The following GRIK1 variants were observed in gnomAD, a reference collection of about 807,000 sequenced individuals.
The protein encoded by GRIK1 is glutamate ionotropic receptor kainate type subunit 1.
Under a neutral mutation model 105.7 loss-of-function variants are expected in GRIK1, and 69 were observed. The ratio of observed to expected loss-of-function variants is 0.65; its 90% CI spans 0.54 to 0.80. The LOEUF (loss-of-function observed/expected upper bound fraction) is 0.80. Among genes scored for constraint, GRIK1 ranks in the 30% least tolerant of loss-of-function variants. The pLI is 0.00. For missense variants in GRIK1, 1,109 were observed against 1,167.3 expected (o/e 0.95, Z 0.73); for synonymous variants, 438 against 431.3 (o/e 1.02, Z -0.19).
At position 29,642,813 on chromosome 21, in the gene GRIK1, G is replaced by A. The variant is rs759209976; in HGVS notation, c.1098+13C>T. 5 of 1,613,414 alleles carry A rather than the reference G, an allele frequency of 3.1e-6. No individual in the cohort carries two copies. The Admixed American group carries it at 6.7e-5, about 22-fold the overall frequency. On this transcript the variant is annotated intron_variant, in intron 7 of 17. Transcript: ENST00000327783. ...TCAGAAGGGCCCCTGGGCTGTGAGG[G>A]AGCATCACTTGCCTCTTTGATCAGG...
chr21:29,673,115 A>C lies in GRIK1; in HGVS notation c.594T>G (p.Ile198Met). The C allele has an allele frequency of 6.2e-7, 1 of 1,612,724 alleles. No homozygotes were observed. Among genetic ancestry groups the C allele is most frequent in the Non-Finnish European group, 8.5e-7 (1 of 1,178,818 alleles). The change falls in exon 4 of 18, where the codon ATT (isoleucine) becomes ATG (methionine). Residue 198 changes from isoleucine (I) to methionine (M), a missense_variant. Physicochemically the swap from Ile to Met is conservative, Grantham distance 10. This residue lies in a region of GRIK1 where 612 missense variants were observed against 586.0 expected (regional missense o/e 1.04). Coordinates refer to ENST00000327783, the MANE Select transcript of GRIK1 (RefSeq NM_001330994.2). ...ELIKAPSRYNIKIKIRQLPSG... is the reference protein window; with the variant it reads ...ELIKAPSRYNMKIKIRQLPSG... The stretch of plus-strand genomic sequence containing the variant: ...AGGGCAGCTGGCGGATTTTGATTTT[A>C]ATATTATATCTGGAGGGAGCTTTGA...
intron 1 of GRIK1, among the ~76,000 whole-genome samples, chr21:29,726,224 A>G (rs2064454836): frequency 6.6e-6 from 1 of 152,236 alleles, no homozygotes; most frequent in Non-Finnish European, 1.5e-5. Context: ...TAGGAAAATG[A>G]GGATAGTTTC....
At position 29,671,348 on chromosome 21, in the gene GRIK1, C is replaced by T. The variant is rs567054768; in HGVS notation, c.726+1635G>A. Among the ~76,000 whole-genome samples, 13 of 152,040 alleles carry T rather than the reference C, an allele frequency of 8.6e-5. No homozygotes were observed. The South Asian group carries it at 2.5e-3, about 29-fold the overall frequency. ...CCATGTTGGCCAGGCTGGTCTCGAACTCCTGACCTCAAGTGATCCTCCCAC... is the reference window on the plus strand; with the variant it reads ...CCATGTTGGCCAGGCTGGTCTCGAATTCCTGACCTCAAGTGATCCTCCCAC... On this transcript the variant is annotated intron_variant, in intron 4 of 17. Transcript: ENST00000327783.
intron 7 of GRIK1, among the ~76,000 whole-genome samples, chr21:29,600,800 T>C (rs1045555602): frequency 6.6e-6 from 1 of 152,228 alleles, no homozygotes; most frequent in Non-Finnish European, 1.5e-5. Flanking sequence ...TTCATAATTC[T>C]AGAGTTTGGC....
At chr21:29,716,769 A>C (rs1417182339) in intron 1 of GRIK1, among the ~76,000 whole-genome samples, 1 of 152,242 alleles carries the variant, frequency 6.6e-6, no homozygotes, top group East Asian at 1.9e-4. Flanking sequence ...TGGAAAAGAA[A>C]AACTCATTTT....
At chr21:29,687,386 G>A (rs2063504862) in intron 3 of GRIK1, among the ~76,000 whole-genome samples, 1 of 152,126 alleles carries the variant, frequency 6.6e-6, no homozygotes, top group Non-Finnish European at 1.5e-5. Flanking sequence ...CAAGAACCCT[G>A]AGTCAAGCAG....
intron 1 of GRIK1, among the ~76,000 whole-genome samples, chr21:29,807,582 TC>T (rs1435345816): frequency 6.6e-6 from 1 of 152,112 alleles, no homozygotes; most frequent in Non-Finnish European, 1.5e-5. Context: ...AGATAGAGGA[TC>T]TGCTCTATGG....
At chr21:29,628,530 A>G (rs963736461) in intron 7 of GRIK1, among the ~76,000 whole-genome samples, 1 of 152,128 alleles carries the variant, frequency 6.6e-6, no homozygotes, top group Admixed American at 6.5e-5. Context: ...ACTGGTTTTT[A>G]TTTCCTAAGG....
At chr21:29,912,005 G>A (rs2070834192) in intron 1 of GRIK1, among the ~76,000 whole-genome samples, 1 of 152,102 alleles carries the variant, frequency 6.6e-6, no homozygotes, top group Non-Finnish European at 1.5e-5. Context: ...AATTAAAGGG[G>A]TGTGATGTCC....
At chr21:29,910,027 A>G (rs1311251038) in intron 1 of GRIK1, among the ~76,000 whole-genome samples, 1 of 152,092 alleles carries the variant, frequency 6.6e-6, no homozygotes. Context: ...TTTTCCATTA[A>G]AGGTGACATT....
intron 17 of GRIK1, 25 bp from the exon 18 acceptor site, chr21:29,537,410 T>C (rs1272604533): frequency 6.3e-7 from 1 of 1,589,546 alleles, no homozygotes; most frequent in Admixed American, 1.7e-5. Context: ...ATACAGACCA[T>C]CAGCTTAATT....
chr21:29,791,504 G>C (rs1193978376), intron 1 of GRIK1, among the ~76,000 whole-genome samples: 1 of 151,900 alleles, frequency 6.6e-6, no homozygotes, highest in Non-Finnish European at 1.5e-5. Flanking sequence ...GAAGGAGAAG[G>C]GAAGTGGGGG....
rs537599188 is a variant in GRIK1 at position 29,683,289 on chromosome 21, A to G, written c.544+6439T>C. ...GAATCCCATTACTGGGTATATATCCAAAAGAAAATCATTCTTCCAAAAAAC... is the reference window on the plus strand; with the variant it reads ...GAATCCCATTACTGGGTATATATCCGAAAGAAAATCATTCTTCCAAAAAAC... On this transcript the variant is annotated intron_variant, in intron 3 of 17. Transcript: ENST00000327783. 1.2e-3 allele frequency among the ~76,000 whole-genome samples: 189 copies of G among 152,342 alleles called. 14 individuals are homozygous for G. The highest frequency in any genetic ancestry group is 3.4e-3 in the Middle Eastern group (1 of 294).
intron 1 of GRIK1, among the ~76,000 whole-genome samples, chr21:29,791,099 G>A (rs1325190319): frequency 6.6e-6 from 1 of 152,190 alleles, no homozygotes; most frequent in East Asian, 1.9e-4. Flanking sequence ...GGAACAGAAA[G>A]CAGATCACTG....
chr21:29,687,200 C>T (rs1199575285), intron 3 of GRIK1, among the ~76,000 whole-genome samples: 4 of 152,154 alleles, frequency 2.6e-5, no homozygotes, highest in Non-Finnish European at 5.9e-5. Context: ...TTTGGTCCCG[C>T]GACATCTGTG....
chr21:29,691,893 C>T (rs1330148106), intron 2 of GRIK1, among the ~76,000 whole-genome samples: 1 of 152,146 alleles, frequency 6.6e-6, no homozygotes, highest in East Asian at 1.9e-4. Flanking sequence ...TGAACTACTG[C>T]ATTAACTACG....
In GRIK1 at chr21:29,812,442, G is replaced by T. The variant is rs139939309; in HGVS notation, c.119-118379C>A. ...AATATCCTTGAATCCTTTGCCATTT[G>T]TTCTTTTTTTAAAAACCTTGACCTC... On this transcript the variant is annotated intron_variant, in intron 1 of 17. Transcript: ENST00000327783. Among the ~76,000 whole-genome samples, 29 of 152,198 alleles carry T rather than the reference G, an allele frequency of 1.9e-4. No individual in the cohort carries two copies. The East Asian group carries it at 5.6e-3, about 29-fold the overall frequency.
chr21:29,832,068 C>CCCAG (rs1171921617), intron 1 of GRIK1, among the ~76,000 whole-genome samples: 3 of 152,158 alleles, frequency 2.0e-5, no homozygotes, highest in Non-Finnish European at 2.9e-5. Flanking sequence ...AAGTCCAAAA[C>CCCAG]CCAGCAAGGG....
intron 7 of GRIK1, among the ~76,000 whole-genome samples, chr21:29,616,490 C>T (rs902013681): frequency 1.3e-5 from 2 of 152,156 alleles, no homozygotes; most frequent in African/African-American, 4.8e-5. Flanking sequence ...TAAGTAATAT[C>T]GTGATATTTT....
Sources: gnomAD v4.1 joint callset for allele counts (sites outside exome capture counted in the v4.1 genomes callset) on GRCh38, gnomAD v4.1.1 for gene constraint, gnomAD v4.1.1 regional missense constraint, MANE v1.5 for transcripts, NCBI Gene and HGNC (gene_info 2026-07-23, HGNC 2026-07-21) for gene names.